The following NOXRED1 variants were observed in gnomAD, a reference collection of about 807,000 sequenced individuals.
NOXRED1 encodes NADP dependent oxidoreductase domain containing 1.
NOXRED1 carries 20 observed loss-of-function variants against 30.4 expected under a neutral mutation model. That is an observed-to-expected ratio of 0.66 (90% CI 0.46 to 0.96). The LOEUF (loss-of-function observed/expected upper bound fraction) is 0.96. Ranked by LOEUF, NOXRED1 falls within the 40% of genes least tolerant of loss-of-function variation. NOXRED1 has a pLI of 0.00. For synonymous variants in NOXRED1, 155 were observed against 168.0 expected, an observed-to-expected ratio of 0.92 and a Z score of 0.60; for missense variants, 374 against 428.0, an observed-to-expected ratio of 0.87 and a Z score of 1.11.
At chr14:77,419,743 T>C (rs1894938912) in intron 1 of NOXRED1, among the ~76,000 whole-genome samples, 1 of 152,028 alleles carries the variant, frequency 6.6e-6, no homozygotes, top group Admixed American at 6.6e-5. Flanking sequence ...CCACCACACC[T>C]GACCAACAGG....
upstream of NOXRED1, among the ~76,000 whole-genome samples, chr14:77,425,677 T>A (rs1215964114): frequency 6.6e-6 from 1 of 152,232 alleles, no homozygotes. Context: ...GGCAGGATAA[T>A]CCTTTGTTGT....
chr14:77,402,060 C>A (rs1894340360), intron 5 of NOXRED1, among the ~76,000 whole-genome samples: 1 of 152,132 alleles, frequency 6.6e-6, no homozygotes, highest in Non-Finnish European at 1.5e-5. Context: ...ACATGCAGAA[C>A]TATAAAACTC....
At chr14:77,398,092 G>A (rs779092970) in intron 5 of NOXRED1, among the ~76,000 whole-genome samples, 5 of 152,138 alleles carry the variant, frequency 3.3e-5, no homozygotes, top group Admixed American at 2.6e-4. Flanking sequence ...GCTTGCTGGA[G>A]GAGAAACCCA....
chr14:77,419,288 G>T (rs1025099411), intron 1 of NOXRED1, among the ~76,000 whole-genome samples: 4 of 151,178 alleles, frequency 2.6e-5, no homozygotes, highest in Non-Finnish European at 5.9e-5. Context: ...GGCCAGGCTG[G>T]TCTTGAACTC....
intron 5 of NOXRED1, among the ~76,000 whole-genome samples, chr14:77,403,659 A>AAAAAAT (rs1202636010): frequency 3.3e-5 from 5 of 152,158 alleles, no homozygotes; most frequent in African/African-American, 1.2e-4. Flanking sequence ...CCCTCTATCA[A>AAAAAAT]AAAAATAAAA....
intron 2 of NOXRED1, among the ~76,000 whole-genome samples, chr14:77,409,051 T>C (rs955866213): frequency 2.0e-5 from 3 of 151,916 alleles, no homozygotes; most frequent in African/African-American, 7.2e-5. Context: ...AAACCTAAAG[T>C]GTTCACTCAC....
rs1425408763 is a variant in NOXRED1, at chr14:77,423,016, T to A, written c.-127A>T. ...GTGCCCAGGTCACAAGCACTCATGA[T>A]GATGGGCTTCAGCACCTCTCTACTC... On this transcript the variant is annotated 5_prime_UTR_variant, in exon 1 of 6. Transcript: ENST00000380835. 1 of 736,778 alleles carries A rather than the reference T, an allele frequency of 1.4e-6. No homozygotes were observed. The highest frequency in any genetic ancestry group is 1.8e-5 in the African/African-American group (1 of 56,802). The allele number at this position is 736,778 out of a possible 1,614,324, so 45.6% of individuals were successfully genotyped here.
At chr14:77,415,136 A>T (rs1406804282) in intron 1 of NOXRED1, among the ~76,000 whole-genome samples, 1 of 151,896 alleles carries the variant, frequency 6.6e-6, no homozygotes, top group African/African-American at 2.4e-5. Context: ...TGCTCGTGCC[A>T]CTGTACTCCA....
In NOXRED1 at chr14:77,423,209, A is replaced by G. The variant is rs1895047599; in HGVS notation, c.-320T>C. Among the ~76,000 whole-genome samples the G allele has an allele frequency of 6.6e-6, 1 of 152,218 alleles. No individual in the cohort carries two copies. Among genetic ancestry groups the G allele is most frequent in the African/African-American group, 2.4e-5 (1 of 41,454 alleles). ...AGGTTACAGGCACTGTTTTCGGCAG[A>G]TGAATTTACAACAGCAATTGAGTTT... is the stretch of plus-strand genomic sequence containing the variant. On this transcript the variant is annotated 5_prime_UTR_variant, in exon 1 of 6. Transcript: ENST00000380835.
intron 5 of NOXRED1, among the ~76,000 whole-genome samples, chr14:77,396,113 A>G (rs1231858283): frequency 2.0e-5 from 3 of 152,160 alleles, no homozygotes; most frequent in Non-Finnish European, 4.4e-5. Context: ...TCTTATACAG[A>G]ATAGTACTAG....
In NOXRED1 at chr14:77,423,122, G is replaced by T; in HGVS notation, c.-233C>A. On this transcript the variant is annotated 5_prime_UTR_variant, in exon 1 of 6. Coordinates refer to ENST00000380835, the MANE Select transcript of NOXRED1 (RefSeq NM_001113475.3). ...GTTTGAGGATTCCTAATCACTGGCTGCCCATGAATCCTGGACTCATGAAAA... is the reference window on the plus strand; with the variant it reads ...GTTTGAGGATTCCTAATCACTGGCTTCCCATGAATCCTGGACTCATGAAAA... The T allele has an allele frequency of 2.1e-6, 1 of 471,644 alleles. No individual in the cohort carries two copies. The highest frequency in any genetic ancestry group is 3.7e-6 in the Non-Finnish European group (1 of 268,482). The allele number at this position is 471,644 out of a possible 1,614,324, so 29.2% of individuals were successfully genotyped here.
At chr14:77,413,051 A>C (rs2139688145) in intron 2 of NOXRED1, among the ~76,000 whole-genome samples, 1 of 152,238 alleles carries the variant, frequency 6.6e-6, no homozygotes, top group East Asian at 1.9e-4. Context: ...AATGCAAAAC[A>C]CAGATATGAA....
rs1204770432 is a variant in NOXRED1 at position 77,413,262 on chromosome 14, C to T, written c.349+672G>A. Among the ~76,000 whole-genome samples the T allele has an allele frequency of 3.4e-4, 48 of 140,160 alleles. 1 individual carries two copies. Among genetic ancestry groups the T allele is most frequent in the Admixed American group, 1.1e-3 (15 of 13,564 alleles). 92.0% of individuals were successfully genotyped at this position (140,160 alleles called of 152,430 possible). The stretch of plus-strand genomic sequence containing the variant: ...AACTTTTTTTTTTTTTTTTTTGAGA[C>T]GGAGTCTTACTCTATCTCCAGGCTG... On this transcript the variant is annotated intron_variant, in intron 2 of 5. Transcript: ENST00000380835.
intron 1 of NOXRED1, 35 bp downstream of exon 1, chr14:77,422,700 T>C (rs1895028015): frequency 1.2e-6 from 2 of 1,601,526 alleles, no homozygotes; most frequent in African/African-American, 2.7e-5. Flanking sequence ...AGTGAGATTC[T>C]TGTCCATCTT....
intron 1 of NOXRED1, among the ~76,000 whole-genome samples, chr14:77,416,439 C>T (rs555566568): frequency 1.5e-3 from 224 of 152,252 alleles, no homozygotes; most frequent in Admixed American, 4.2e-3. Flanking sequence ...ATCTGTTTAA[C>T]AAAGCACATC....
At chr14:77,425,666 G>A (rs2139711932), upstream of NOXRED1, among the ~76,000 whole-genome samples, 1 of 152,332 alleles carries the variant, frequency 6.6e-6, no homozygotes, top group South Asian at 2.1e-4. Flanking sequence ...GCTAACATGT[G>A]GGCAGGATAA....
At chr14:77,415,585 T>TATAA (rs1894789386) in intron 1 of NOXRED1, among the ~76,000 whole-genome samples, 1 of 145,422 alleles carries the variant, frequency 6.9e-6, no homozygotes, top group Non-Finnish European at 1.5e-5. Flanking sequence ...AGAAAATACA[T>TATAA]ATAGATAGAT....
At chr14:77,396,919 G>A (rs1407160658) in intron 5 of NOXRED1, among the ~76,000 whole-genome samples, 1 of 152,192 alleles carries the variant, frequency 6.6e-6, no homozygotes, top group Non-Finnish European at 1.5e-5. Flanking sequence ...TGCTGGTGAG[G>A]ATGCAGAGAA....
chr14:77,413,519 G>A (rs1290675754), intron 2 of NOXRED1, among the ~76,000 whole-genome samples: 2 of 152,128 alleles, frequency 1.3e-5, no homozygotes. Context: ...TTACAGGCGT[G>A]AGCCACCGCG....
Sources: gnomAD v4.1 joint callset for allele counts (sites outside exome capture counted in the v4.1 genomes callset) on GRCh38, gnomAD v4.1.1 for gene constraint, MANE v1.5 for transcripts, NCBI Gene and HGNC (gene_info 2026-07-23, HGNC 2026-07-21) for gene names.